LARGE1: variants seen among roughly 807,000 people sequenced by gnomAD.
LARGE1 encodes xylosyl- and glucuronyltransferase LARGE1.
Under a neutral mutation model 87.6 loss-of-function variants are expected in LARGE1, and 43 were observed. The observed-to-expected ratio is 0.49, with a 90% confidence interval of 0.38 to 0.63. The LOEUF (loss-of-function observed/expected upper bound fraction) is 0.63. LARGE1 is among the 30% of genes least tolerant of loss of function. LARGE1 has a pLI of 0.00. For missense variants in LARGE1, 802 were observed against 1,000.2 expected (o/e 0.80, Z 2.67); for synonymous variants, 434 against 394.6 (o/e 1.10, Z -1.18).
In LARGE1 at chr22:33,667,450, C is replaced by T. The variant is rs118031517; in HGVS notation, c.107-16782G>A. Among the ~76,000 whole-genome samples, 22 of 152,342 alleles carry T rather than the reference C, an allele frequency of 1.4e-4. No homozygotes were observed. The East Asian group carries it at 4.2e-3, about 29-fold the overall frequency. ...AAGCCATTACTCCCAGGAGAAAAGC[C>T]AGGAACACTGGCCTTAGCCTGGCTT... is the stretch of plus-strand genomic sequence containing the variant. On this transcript the variant is annotated intron_variant, in intron 2 of 14. Transcript: ENST00000397394.
chr22:33,459,645 CT>C (rs112931557), intron 6 of LARGE1, among the ~76,000 whole-genome samples: 2 of 151,082 alleles, frequency 1.3e-5, no homozygotes, highest in African/African-American at 4.9e-5. Flanking sequence ...AGTTCCTGCT[CT>C]GTAAGCTGGT....
chr22:33,255,646 TC>T (rs981544586), intron 11 of LARGE1, among the ~76,000 whole-genome samples: 4 of 152,234 alleles, frequency 2.6e-5, no homozygotes, highest in African/African-American at 9.6e-5. Flanking sequence ...TTTTAATTTG[TC>T]CCAGAAACCT....
At chr22:33,284,132 GC>G (rs1282448562) in intron 12 of LARGE1, among the ~76,000 whole-genome samples, 2 of 152,134 alleles carry the variant, frequency 1.3e-5, no homozygotes, top group African/African-American at 4.8e-5. Flanking sequence ...GTGTGCTCCT[GC>G]CAGCCAGGCA....
chr22:33,364,489 G>A (rs1158881865), intron 9 of LARGE1, among the ~76,000 whole-genome samples: 3 of 152,088 alleles, frequency 2.0e-5, no homozygotes, highest in South Asian at 2.1e-4. Context: ...CTTACTCGGG[G>A]TTTTGCTTTT....
At chr22:33,882,319 C>T (rs939010111) in intron 1 of LARGE1, among the ~76,000 whole-genome samples, 1 of 152,140 alleles carries the variant, frequency 6.6e-6, no homozygotes, top group South Asian at 2.1e-4. Flanking sequence ...CTTGAGCCAC[C>T]GCACCCGGCC....
At chr22:33,899,557 C>T (rs1227736474) in intron 1 of LARGE1, among the ~76,000 whole-genome samples, 1 of 152,176 alleles carries the variant, frequency 6.6e-6, no homozygotes, top group African/African-American at 2.4e-5. Context: ...AATCTGCTCA[C>T]AATGAACCAA....
At chr22:33,843,393 C>A (rs750612020) in intron 1 of LARGE1, among the ~76,000 whole-genome samples, 17 of 151,268 alleles carry the variant, frequency 1.1e-4, no homozygotes, top group Non-Finnish European at 2.1e-4. Flanking sequence ...GACGAGATTG[C>A]ACCACTGCAC....
rs759460321 is a variant in LARGE1 at position 33,457,293 on chromosome 22, C to CTTTTTTTTTTTTTT, written c.788-25042_788-25029dup. Among the ~76,000 whole-genome samples, 58 of 74,930 alleles carry CTTTTTTTTTTTTTT rather than the reference C, an allele frequency of 7.7e-4. 2 individuals carry two copies. The highest frequency in any genetic ancestry group is 1.0e-3 in the African/African-American group (19 of 18,142). 49.2% of individuals were successfully genotyped at this position (74,930 alleles called of 152,430 possible). A position where few individuals can be genotyped will look rare whatever the true frequency, so the allele number is the denominator to read the frequency against. On this transcript the variant is annotated intron_variant, in intron 6 of 14. Transcript: ENST00000397394. ...CAGGTGCCTGCCACCACGCCTGGCT[C>CTTTTTTTTTTTTTT]TTTTTTTTTTTTTTTTTTTTTTTTT...
chr22:33,073,995 T>A, the LARGE1 span, among the ~76,000 whole-genome samples: 1 of 152,140 alleles, frequency 6.6e-6, no homozygotes, highest in Non-Finnish European at 1.5e-5. Context: ...TCTCACTCTC[T>A]CCCTTTCCCC....
chr22:33,192,583 G>A (rs1048079819), intron 11 of LARGE1, among the ~76,000 whole-genome samples: 2 of 152,194 alleles, frequency 1.3e-5, no homozygotes, highest in African/African-American at 2.4e-5. Flanking sequence ...CTCATCAGAT[G>A]TACAGTTAAC....
chr22:33,715,474 C>T (rs570519908), intron 2 of LARGE1, among the ~76,000 whole-genome samples: 4 of 152,294 alleles, frequency 2.6e-5, no homozygotes, highest in Non-Finnish European at 2.9e-5. Context: ...GCTGCACTCT[C>T]ATCCCCCCAC....
At chr22:33,744,082 G>A (rs959849615) in intron 2 of LARGE1, 1 of 152,148 alleles carries the variant, frequency 6.6e-6, no homozygotes, top group Non-Finnish European at 1.5e-5. Context: ...CAACAACTAT[G>A]TGCCGCAACA....
chr22:33,234,944 C>T (rs1478714111), intron 11 of LARGE1, among the ~76,000 whole-genome samples: 1 of 152,122 alleles, frequency 6.6e-6, no homozygotes, highest in Non-Finnish European at 1.5e-5. Flanking sequence ...CAAATAATTA[C>T]AAAAGCACTT....
chr22:33,523,537 C>T (rs1425328421), intron 6 of LARGE1, among the ~76,000 whole-genome samples: 1 of 152,064 alleles, frequency 6.6e-6, no homozygotes, highest in Non-Finnish European at 1.5e-5. Context: ...AAACATTTTC[C>T]TCTTGGAAAA....
In LARGE1 at chr22:33,572,078, T is replaced by C. The variant is rs184314473; in HGVS notation, c.616-7059A>G. ...CTGCTTCCTTCCTAAGGCGTTACTA[T>C]ATATGTAATCTGTAAGCTCTCCTCT... On this transcript the variant is annotated intron_variant, in intron 5 of 14. Transcript: ENST00000397394. 5.5e-5 allele frequency: 30 copies of C among 544,766 alleles called. No homozygotes were observed. In the Admixed American group the frequency reaches 6.6e-4, roughly 12 times the overall value. The allele number at this position is 544,766 out of a possible 1,614,324, so 33.7% of individuals were successfully genotyped here. A position where few individuals can be genotyped will look rare whatever the true frequency, so the allele number is the denominator to read the frequency against.
intron 11 of LARGE1, among the ~76,000 whole-genome samples, chr22:33,173,376 C>T (rs769655565): frequency 6.6e-6 from 1 of 152,126 alleles, no homozygotes; most frequent in Non-Finnish European, 1.5e-5. Flanking sequence ...AAGCAATAAA[C>T]GGTACCAGCC....
chr22:33,802,729 C>T (rs1469003905), intron 1 of LARGE1, among the ~76,000 whole-genome samples: 1 of 152,170 alleles, frequency 6.6e-6, no homozygotes, highest in Non-Finnish European at 1.5e-5. Flanking sequence ...AAGAATTGTG[C>T]ACTTCTATCT....
chr22:33,542,143 C>G (rs1006692123), intron 6 of LARGE1, among the ~76,000 whole-genome samples: 3 of 91,766 alleles, frequency 3.3e-5, no homozygotes, highest in African/African-American at 1.3e-4. Context: ...GCCTGAGCAA[C>G]AAGAGCAAAA....
chr22:33,113,768 C>A, the LARGE1 span, among the ~76,000 whole-genome samples: 2 of 152,174 alleles, frequency 1.3e-5, no homozygotes, highest in Non-Finnish European at 2.9e-5. Context: ...GACATTAGAA[C>A]CACACTCTCG....
Sources: allele counts gnomAD v4.1 joint callset (sites outside exome capture counted in the v4.1 genomes callset), GRCh38; gene constraint gnomAD v4.1.1; transcripts MANE v1.5; gene names NCBI Gene and HGNC (gene_info 2026-07-23, HGNC 2026-07-21).